CA10: variants seen among roughly 807,000 people sequenced by gnomAD.
CA10 encodes the protein carbonic anhydrase-related protein 10.
In CA10, 14 loss-of-function variants were observed where a neutral mutation model predicts 44.2. The observed-to-expected ratio is 0.32, with a 90% CI of 0.21 to 0.50. CA10 has a LOEUF of 0.50. CA10 is among the 20% of genes least tolerant of loss of function. The pLI, the probability that CA10 is intolerant of heterozygous loss-of-function variation, is 0.99. For synonymous variants in CA10, 159 were observed against 141.6 expected (o/e 1.12, Z -0.87); for missense variants, 350 against 409.7 (o/e 0.85, Z 1.26).
At chr17:51,710,758 T>C (rs1319737826) in intron 4 of CA10, among the ~76,000 whole-genome samples, 1 of 151,914 alleles carries the variant, frequency 6.6e-6, no homozygotes, top group African/African-American at 2.4e-5. Flanking sequence ...CCACCAGAGG[T>C]TGCAAGTCCT....
rs1326268393 is a variant in CA10 at position 51,631,397 on chromosome 17, T to C, written c.*187A>G. 1.5e-6 allele frequency: 1 copy of C among 673,980 alleles called. No homozygotes were observed. Among genetic ancestry groups the C allele is most frequent in the African/African-American group, 1.8e-5 (1 of 55,734 alleles). 41.7% of individuals were successfully genotyped at this position (673,980 alleles called of 1,614,324 possible). On this transcript the variant is annotated 3_prime_UTR_variant, in exon 9 of 9. Coordinates refer to ENST00000451037, the MANE Select transcript of CA10 (RefSeq NM_020178.5). ...AAGTGCTTGTGTGTGTGTTTGTGAG[T>C]ATGTGTGAGAGATGTATTCCTCTGC...
At chr17:51,787,498 CTT>C (rs575519452) in intron 3 of CA10, among the ~76,000 whole-genome samples, 2 of 144,240 alleles carry the variant, frequency 1.4e-5, no homozygotes. Context: ...CTTTTTTTTC[CTT>C]TTTTTTTTTG....
At chr17:51,665,101 C>T (rs917823147) in intron 4 of CA10, among the ~76,000 whole-genome samples, 6 of 152,178 alleles carry the variant, frequency 3.9e-5, no homozygotes, top group East Asian at 1.9e-4. Flanking sequence ...AGACACATAA[C>T]ATCTATTAGA....
chr17:51,698,431 G>A (rs898086455), intron 4 of CA10, among the ~76,000 whole-genome samples: 1 of 152,112 alleles, frequency 6.6e-6, no homozygotes, highest in African/African-American at 2.4e-5. Flanking sequence ...CTTTACTGAG[G>A]TATAATTGAT....
At chr17:52,069,156 G>A (rs764635789) in intron 2 of CA10, among the ~76,000 whole-genome samples, 1 of 152,198 alleles carries the variant, frequency 6.6e-6, no homozygotes, top group Non-Finnish European at 1.5e-5. Flanking sequence ...TGATGCAAAT[G>A]TTAATCTGGT....
chr17:51,735,523 C>A (rs115120568), intron 4 of CA10, among the ~76,000 whole-genome samples: 3 of 146,872 alleles, frequency 2.0e-5, no homozygotes, highest in Non-Finnish European at 3.0e-5. Context: ...ATGTACCCCC[C>A]ACCCCGAATC....
intron 4 of CA10, among the ~76,000 whole-genome samples, chr17:51,718,033 A>G (rs1916228121): frequency 6.7e-6 from 1 of 149,548 alleles, no homozygotes; most frequent in Non-Finnish European, 1.5e-5. Flanking sequence ...GTAAAGGCAT[A>G]AGAATGATAC....
chr17:51,727,417 A>C (rs762708573), intron 4 of CA10, among the ~76,000 whole-genome samples: 18 of 151,948 alleles, frequency 1.2e-4, no homozygotes, highest in Non-Finnish European at 2.4e-4. Context: ...TTTTACTTTA[A>C]AATGAAGTTT....
At chr17:52,132,000 G>T (rs899880342) in intron 1 of CA10, among the ~76,000 whole-genome samples, 1 of 151,844 alleles carries the variant, frequency 6.6e-6, no homozygotes, top group Non-Finnish European at 1.5e-5. Flanking sequence ...TCACATTCTG[G>T]GGACTGTTGT....
chr17:52,105,323 C>G (rs773722171), intron 1 of CA10, among the ~76,000 whole-genome samples: 1 of 151,834 alleles, frequency 6.6e-6, no homozygotes. Context: ...GGCACAATCT[C>G]GGCTCAGTGC....
intron 3 of CA10, among the ~76,000 whole-genome samples, chr17:51,776,720 T>C (rs1362693251): frequency 6.6e-6 from 1 of 152,256 alleles, no homozygotes; most frequent in African/African-American, 2.4e-5. Flanking sequence ...TGTTTTTCAA[T>C]TTAAATTAGT....
intron 1 of CA10, among the ~76,000 whole-genome samples, chr17:52,156,315 T>A (rs1260496125): frequency 6.6e-6 from 1 of 152,184 alleles, no homozygotes; most frequent in Non-Finnish European, 1.5e-5. Flanking sequence ...GAATTTTCAC[T>A]CCTAGATGCA....
chr17:52,116,328 G>T (rs985518371), intron 1 of CA10, among the ~76,000 whole-genome samples: 3 of 152,106 alleles, frequency 2.0e-5, no homozygotes, highest in African/African-American at 4.8e-5. Flanking sequence ...AGGGGAACTT[G>T]GTTCCACAGC....
chr17:52,036,095 C>G lies in CA10; in HGVS notation c.136+36224G>C, dbSNP rs150122264. ...GGGGCCTGAGAATTTGCATTTCCCA[C>G]GAGTTCCCAGAGGATGTTGATGCTG... On this transcript the variant is annotated intron_variant, in intron 2 of 8. Transcript: ENST00000451037. Among the ~76,000 whole-genome samples, 1,270 of 152,268 alleles carry G rather than the reference C, an allele frequency of 8.3e-3. 8 individuals carry two copies. The highest frequency in any genetic ancestry group is 0.013 in the Non-Finnish European group (884 of 67,996).
chr17:51,799,911 G>A lies in CA10; in HGVS notation c.280-52093C>T, dbSNP rs772852492. On this transcript the variant is annotated intron_variant, in intron 3 of 8. Transcript: ENST00000451037. ...AAACTGGAAGCCTCATAGACTGCTT[G>A]GAGAAATGTATGTTGGTGCAGCCAC... Among the ~76,000 whole-genome samples the A allele has an allele frequency of 2.0e-5, 3 of 152,156 alleles. No individual in the cohort carries two copies. In the South Asian group the frequency reaches 6.2e-4, roughly 31 times the overall value.
intron 4 of CA10, among the ~76,000 whole-genome samples, chr17:51,709,546 A>G (rs1209071461): frequency 2.0e-5 from 3 of 152,150 alleles, no homozygotes; most frequent in African/African-American, 7.2e-5. Flanking sequence ...GGTGGACCCC[A>G]CCTCCAGAGG....
chr17:52,061,809 T>A (rs1987394356), intron 2 of CA10, among the ~76,000 whole-genome samples: 1 of 152,200 alleles, frequency 6.6e-6, no homozygotes, highest in African/African-American at 2.4e-5. Context: ...CCTCTGTTTA[T>A]AAATTACCCA....
intron 5 of CA10, 42 bp from the exon 6 acceptor site, chr17:51,649,296 T>C (rs761154595): frequency 1.7e-5 from 24 of 1,391,522 alleles, no homozygotes; most frequent in Non-Finnish European, 1.0e-6. Context: ...GCATCACTCT[T>C]GCAGGACAAA....
chr17:52,035,979 C>T (rs1055802235), intron 2 of CA10, among the ~76,000 whole-genome samples: 1 of 152,166 alleles, frequency 6.6e-6, no homozygotes, highest in Non-Finnish European at 1.5e-5. Context: ...TCTAGGGGTT[C>T]TCAAATATTC....
Sources: allele counts gnomAD v4.1 joint callset (sites outside exome capture counted in the v4.1 genomes callset), GRCh38; gene constraint gnomAD v4.1.1; transcripts MANE v1.5; gene names NCBI Gene and HGNC (gene_info 2026-07-23, HGNC 2026-07-21).